CCDC125: variants seen among roughly 807,000 people sequenced by gnomAD.
CCDC125 encodes the protein coiled-coil domain-containing protein 125.
A neutral mutation model predicts 57.4 loss-of-function variants in CCDC125; 43 were observed. That is an observed-to-expected ratio of 0.75 (90% CI 0.59 to 0.97). The LOEUF is 0.97. CCDC125 is among the 50% of genes least tolerant of loss of function. CCDC125 has a pLI of 0.00. For synonymous variants in CCDC125, 187 were observed against 195.2 expected (o/e 0.96, Z 0.35); for missense variants, 563 against 595.7 (o/e 0.95, Z 0.57).
chr5:69,316,417 T>C (rs965735161), intron 2 of CCDC125, among the ~76,000 whole-genome samples: 5 of 152,180 alleles, frequency 3.3e-5, no homozygotes, highest in African/African-American at 7.2e-5. Context: ...CAGCCATCGT[T>C]GGCTTTGAAG....
At chr5:69,285,839 T>A (rs1167934249) in intron 10 of CCDC125, among the ~76,000 whole-genome samples, 3 of 152,162 alleles carry the variant, frequency 2.0e-5, no homozygotes, top group Non-Finnish European at 4.4e-5. Context: ...TAACAAAACA[T>A]GTCTGCAGGC....
intron 8 of CCDC125, among the ~76,000 whole-genome samples, chr5:69,297,332 C>A (rs982711865): frequency 2.6e-5 from 4 of 151,538 alleles, no homozygotes; most frequent in Non-Finnish European, 4.4e-5. Context: ...TGAGCCACTG[C>A]GGCTGGCCTG....
chr5:69,276,789 G>GCT (rs1239175909), downstream of CCDC125: 4 of 995,624 alleles, frequency 4.0e-6, no homozygotes, highest in African/African-American at 1.6e-5. Flanking sequence ...AATGTAGCTT[G>GCT]CTAGCTATTT....
At chr5:69,302,464 A>G (rs201357452) in intron 7 of CCDC125, among the ~76,000 whole-genome samples, 1 of 138,684 alleles carries the variant, frequency 7.2e-6, no homozygotes, top group South Asian at 2.3e-4. Context: ...GGTGGCTCAC[A>G]CCTGTAATCC....
the CCDC125 span, among the ~76,000 whole-genome samples, chr5:69,273,948 A>G: frequency 6.6e-6 from 1 of 152,066 alleles, no homozygotes; most frequent in Non-Finnish European, 1.5e-5. Flanking sequence ...TATGCTGGGT[A>G]TTTACCATTA....
downstream of CCDC125, among the ~76,000 whole-genome samples, chr5:69,276,277 C>G (rs1159122065): frequency 6.6e-6 from 1 of 152,160 alleles, no homozygotes; most frequent in Admixed American, 6.6e-5. Flanking sequence ...GATCCACCCG[C>G]CTCAGCCTCC....
chr5:69,284,928 C>T (rs570007011), intron 11 of CCDC125, among the ~76,000 whole-genome samples: 2 of 152,142 alleles, frequency 1.3e-5, no homozygotes, highest in East Asian at 3.9e-4. Flanking sequence ...CCTGTCTCTA[C>T]TAAAAACGCA....
intron 1 of CCDC125, among the ~76,000 whole-genome samples, chr5:69,322,265 G>C (rs1760147064): frequency 6.6e-6 from 1 of 152,002 alleles, no homozygotes; most frequent in Non-Finnish European, 1.5e-5. Context: ...GATGACAGGA[G>C]TGAGGCACCA....
intron 8 of CCDC125, among the ~76,000 whole-genome samples, chr5:69,296,669 C>T (rs1376084220): frequency 6.6e-6 from 1 of 151,870 alleles, no homozygotes; most frequent in East Asian, 1.9e-4. Flanking sequence ...ACTTTAAAAG[C>T]TAACTACAAG....
At chr5:69,300,914 C>G (rs765791704) in intron 7 of CCDC125, among the ~76,000 whole-genome samples, 39 of 151,388 alleles carry the variant, frequency 2.6e-4, no homozygotes, top group Admixed American at 4.6e-4. Flanking sequence ...GTGTAAGAGA[C>G]AGAGTCTTGC....
chr5:69,286,849 G>A (rs1753564754), intron 10 of CCDC125, among the ~76,000 whole-genome samples: 1 of 152,102 alleles, frequency 6.6e-6, no homozygotes, highest in Non-Finnish European at 1.5e-5. Context: ...TCCACGAGGA[G>A]CTGTGGCAAA....
In CCDC125 at chr5:69,319,642, C is replaced by T. The variant is rs184296410; in HGVS notation, c.304+595G>A. Reference sequence around the variant, plus strand: ...GACTACAGGAACCTGCTACCACGCCCGGCTAATTTTTTGTATATTTAGTAG... The same window carrying T: ...GACTACAGGAACCTGCTACCACGCCTGGCTAATTTTTTGTATATTTAGTAG... On this transcript the variant is annotated intron_variant, in intron 2 of 11. Transcript: ENST00000396496. 3.1e-3 allele frequency among the ~76,000 whole-genome samples: 472 copies of T among 151,796 alleles called. 2 individuals are homozygous for T. Among genetic ancestry groups the T allele is most frequent in the Non-Finnish European group, 5.2e-3 (356 of 67,920 alleles).
intron 10 of CCDC125, among the ~76,000 whole-genome samples, chr5:69,286,803 TGACA>T (rs1173577500): frequency 6.6e-6 from 1 of 152,072 alleles, no homozygotes; most frequent in African/African-American, 2.4e-5. Flanking sequence ...CCACCAATCC[TGACA>T]GACCACAGTG....
At position 69,317,331 on chromosome 5, in the gene CCDC125, T is replaced by C. The variant is rs182533126; in HGVS notation, c.304+2906A>G. 2.2e-3 allele frequency among the ~76,000 whole-genome samples: 336 copies of C among 152,288 alleles called. 6 individuals are homozygous for C. The highest frequency in any genetic ancestry group is 0.021 in the Admixed American group (323 of 15,288). On this transcript the variant is annotated intron_variant, in intron 2 of 11. Transcript: ENST00000396496. ...GCATCTTCATGTTTTTATAAAGGCA[T>C]CTTAGCATCATGCTCAGTTTCCAAC...
chr5:69,309,577 T>A (rs1019409454), intron 4 of CCDC125: 1 of 152,228 alleles, frequency 6.6e-6, no homozygotes, highest in South Asian at 2.1e-4. Context: ...GGCAGAAGTT[T>A]CCTGCAGGGA....
intron 1 of CCDC125, among the ~76,000 whole-genome samples, chr5:69,332,199 A>G (rs947370461): frequency 1.1e-4 from 17 of 152,312 alleles, no homozygotes; most frequent in African/African-American, 4.1e-4. Flanking sequence ...TTAACTTTTC[A>G]TTTTAGAATA....
chr5:69,287,308 G>C (rs1229174928), intron 10 of CCDC125, among the ~76,000 whole-genome samples: 1 of 146,836 alleles, frequency 6.8e-6, no homozygotes, highest in Middle Eastern at 3.4e-3. Context: ...TTGTCGCCCA[G>C]GCTGGAGTGC....
At chr5:69,299,311 A>G (rs554421244) in intron 8 of CCDC125, among the ~76,000 whole-genome samples, 17 of 152,156 alleles carry the variant, frequency 1.1e-4, no homozygotes, top group Non-Finnish European at 2.2e-4. Flanking sequence ...GGGTTTCACC[A>G]TGTTAGCCAG....
chr5:69,315,907 T>C (rs1759016227), intron 2 of CCDC125, among the ~76,000 whole-genome samples: 1 of 147,982 alleles, frequency 6.8e-6, no homozygotes, highest in Admixed American at 6.9e-5. Flanking sequence ...AGAGCTTCAT[T>C]TTCCTTTCTG....
Sources: allele counts gnomAD v4.1 joint callset (sites outside exome capture counted in the v4.1 genomes callset), GRCh38; gene constraint gnomAD v4.1.1; transcripts MANE v1.5; gene names NCBI Gene and HGNC (gene_info 2026-07-23, HGNC 2026-07-21).